The following ADSL variants were observed in gnomAD, a reference collection of about 807,000 sequenced individuals.
The protein encoded by ADSL is adenylosuccinate lyase.
Under a neutral mutation model 62.1 loss-of-function variants are expected in ADSL, and 44 were observed. The ratio of observed to expected loss-of-function variants is 0.71; its 90% confidence interval spans 0.56 to 0.91. ADSL has a LOEUF of 0.91. Among genes scored for constraint, ADSL ranks in the 40% least tolerant of loss-of-function variants. ADSL has a pLI of 0.00. For missense variants in ADSL, 531 were observed against 627.4 expected, an observed-to-expected ratio of 0.85 and a Z score of 1.64; for synonymous variants, 198 against 220.5, an observed-to-expected ratio of 0.90 and a Z score of 0.90.
At chr22:40,359,062 C>A (rs773973357) in intron 5 of ADSL, 27 bp downstream of exon 5, 116 of 1,613,254 alleles carry the variant, frequency 7.2e-5, no homozygotes, top group Non-Finnish European at 9.2e-5. Flanking sequence ...CTGCAGGACA[C>A]AGAAACTCAA....
chr22:40,375,280 T>A (rs9623170), intron 2 of ADSL, among the ~76,000 whole-genome samples: 3 of 152,158 alleles, frequency 2.0e-5, no homozygotes, highest in Non-Finnish European at 4.4e-5. Flanking sequence ...GTAACTGATA[T>A]CAGAAATTAG....
rs192899834 is a variant in ADSL, at chr22:40,357,330, C to T, written c.483-1534C>T. ...GTGCAGTGGCACAATCTTGGCTCAC[C>T]GCAGCCTCCGCCTCCTGGGTTCAAG... On this transcript the variant is annotated intron_variant, in intron 4 of 12. Coordinates refer to ENST00000623063, the MANE Select transcript of ADSL (RefSeq NM_000026.4). Among the ~76,000 whole-genome samples the T allele has an allele frequency of 1.3e-3, 190 of 150,182 alleles. 1 individual carries two copies. The highest frequency in any genetic ancestry group is 4.3e-3 in the African/African-American group (175 of 40,716).
intron 2 of ADSL, among the ~76,000 whole-genome samples, chr22:40,351,549 C>G (rs2044348755): frequency 6.6e-6 from 1 of 152,042 alleles, no homozygotes; most frequent in Non-Finnish European, 1.5e-5. Context: ...TCAAACAGTC[C>G]TCCTGCCTTA....
At position 40,361,298 on chromosome 22, in the gene ADSL, C is replaced by T. The variant is rs962521087; in HGVS notation, c.818C>T (p.Ala273Val). The T allele has an allele frequency of 6.2e-7, 1 of 1,614,162 alleles. No individual in the cohort carries two copies. Among genetic ancestry groups the T allele is most frequent in the Non-Finnish European group, 8.5e-7 (1 of 1,180,024 alleles). ...HKICTDIRLL[A>V]NLKEMEEPFE... is the part of the protein sequence containing the mutation. Reference sequence around the variant, plus strand: ...ATTTGCACCGACATACGCCTCCTGGCAAACCTCAAGGAGATGGAGGAACCC... The same window carrying T: ...ATTTGCACCGACATACGCCTCCTGGTAAACCTCAAGGAGATGGAGGAACCC... The change falls in exon 8 of 13, where the codon GCA (alanine) becomes GTA (valine). Residue 273 changes from alanine to valine, a missense_variant. Ala to Val is a moderately conservative substitution (Grantham distance 64). This residue lies in a region of ADSL where 471 missense variants were observed against 592.9 expected (regional missense o/e 0.79). Transcript: ENST00000623063.
At chr22:40,356,344 G>C (rs1435102270) in intron 4 of ADSL, among the ~76,000 whole-genome samples, 2 of 151,956 alleles carry the variant, frequency 1.3e-5, no homozygotes, top group African/African-American at 4.8e-5. Flanking sequence ...AGACCAGCTT[G>C]GCCAACATGG....
At chr22:40,350,361 C>T (rs937901956) in intron 2 of ADSL, 5 of 276,806 alleles carry the variant, frequency 1.8e-5, no homozygotes, top group Admixed American at 5.1e-5. Context: ...CTCCTGACCT[C>T]GTGATCCACC....
At position 40,361,511 on chromosome 22, in the gene ADSL, C is replaced by T. The variant is rs536254357; in HGVS notation, c.886C>T (p.Arg296Trp). Residue 296 changes from arginine to tryptophan, a missense_variant, in exon 9 of 13, where the codon CGG becomes TGG. Physicochemically the swap from Arg to Trp is moderately radical, Grantham distance 101. Coordinates refer to ENST00000623063, the MANE Select transcript of ADSL (RefSeq NM_000026.4). The part of the protein sequence containing the change: ...QIGSSAMPYK[R>W]NPMRSERCCS... ...AGGCTCAAGTGCGATGCCATATAAG[C>T]GGAATCCCATGCGTTCAGAACGTTG... 1.1e-4 allele frequency: 176 copies of T among 1,614,198 alleles called. No homozygotes were observed. Among genetic ancestry groups the T allele is most frequent in the South Asian group, 5.7e-4 (52 of 91,080 alleles).
chr22:40,359,476 CTTTTTTTTT>C (rs56719087), intron 6 of ADSL, among the ~76,000 whole-genome samples, 170 bp downstream of exon 6: 1 of 43,870 alleles, frequency 2.3e-5, no homozygotes, highest in Non-Finnish European at 3.9e-5. Context: ...TATCTGGATT[CTTTTTTTTT>C]TTTTTTTTTT....
chr22:40,386,602 A>G (rs1400305324), intron 2 of ADSL, among the ~76,000 whole-genome samples: 1 of 142,682 alleles, frequency 7.0e-6, no homozygotes, highest in African/African-American at 2.6e-5. Context: ...TAAAAAGACA[A>G]CTAGAGATCA....
chr22:40,349,586 GGCTGGTC>G (rs777965095), intron 1 of ADSL, among the ~76,000 whole-genome samples: 2 of 152,004 alleles, frequency 1.3e-5, no homozygotes, highest in Non-Finnish European at 2.9e-5. Flanking sequence ...TTGTTGCCCA[GGCTGGTC>G]TGTTGGAGCT....
In ADSL at chr22:40,361,915, T is replaced by G. The variant is rs565113676; in HGVS notation, c.1010+280T>G. 2.1e-4 allele frequency among the ~76,000 whole-genome samples: 32 copies of G among 152,310 alleles called. No homozygotes were observed. The South Asian group carries it at 6.6e-3, about 32-fold the overall frequency. ...TAAGACTTAAGAAATACATGCATCTTTTAAAGACAAGATCGGGAGCATTAT... is the reference window on the plus strand; with the variant it reads ...TAAGACTTAAGAAATACATGCATCTGTTAAAGACAAGATCGGGAGCATTAT... On this transcript the variant is annotated intron_variant, in intron 9 of 12. Coordinates refer to ENST00000623063, the MANE Select transcript of ADSL (RefSeq NM_000026.4).
rs2044914145 is a variant in ADSL at position 40,364,320 on chromosome 22, A to C, written c.1146A>C (p.Thr382=). Residue 382 remains threonine, a synonymous_variant, in exon 11 of 13, where the codon ACA becomes ACC. Coordinates refer to ENST00000623063, the MANE Select transcript of ADSL (RefSeq NM_000026.4). ...GGCAAGAGCTGCCTTTCATGGCCAC[A>C]GAGAACATCATCATGGCCATGGTCA... is the stretch of plus-strand genomic sequence containing the variant. The part of the protein sequence containing the change: ...RIRQELPFMA[T]ENIIMAMVKA... The C allele has an allele frequency of 6.2e-7, 1 of 1,614,020 alleles. No individual in the cohort carries two copies. Among genetic ancestry groups the C allele is most frequent in the Admixed American group, 1.7e-5 (1 of 60,004 alleles).
chr22:40,372,020 A>G (rs1455178636), downstream of ADSL, among the ~76,000 whole-genome samples: 1 of 149,782 alleles, frequency 6.7e-6, no homozygotes, highest in Non-Finnish European at 1.5e-5. Flanking sequence ...GTAATTCTAT[A>G]GATATCTTTC....
Position 40,379,323 on chromosome 22 carries a change from ATATC to A in ADSL, c.90-10904_90-10901del, listed in dbSNP as rs547655067. ...TGGGTCTGCTTTGTGTTCTAGGAGA[ATATC>A]TAGCTCATGCTGTCCACTTCGTACC... On this transcript the variant is annotated intron_variant, in intron 2 of 2. Transcript: ENST00000498234. The A allele has an allele frequency of 2.8e-4, 42 of 152,440 alleles. No individual in the cohort carries two copies. In the East Asian group the frequency reaches 7.9e-3, roughly 29 times the overall value. The allele number at this position is 152,440 out of a possible 1,614,324, so 9.4% of individuals were successfully genotyped here.
downstream of ADSL, among the ~76,000 whole-genome samples, chr22:40,374,203 C>T (rs1366244260): frequency 6.6e-6 from 1 of 151,610 alleles, no homozygotes; most frequent in East Asian, 1.9e-4. Flanking sequence ...CCGCCTGCCT[C>T]GGCCTCCCAA....
chr22:40,374,548 C>T (rs567280369), intron 2 of ADSL, among the ~76,000 whole-genome samples: 87 of 152,344 alleles, frequency 5.7e-4, no homozygotes, highest in Non-Finnish European at 8.5e-4. Flanking sequence ...TTCACCACCT[C>T]ACCCCCATCT....
intron 12 of ADSL, 110 bp from the exon 13 acceptor site, chr22:40,366,326 T>A: frequency 1.3e-6 from 1 of 795,774 alleles, no homozygotes; most frequent in Non-Finnish European, 2.1e-6. Context: ...AGTGTTGGAG[T>A]AAAAGCTTCA....
rs147186747 is a variant in ADSL, at chr22:40,387,397, A to G, written c.90-2833A>G. The G allele has an allele frequency of 4.4e-3, 1,695 of 388,266 alleles. 6 individuals carry two copies. Among genetic ancestry groups the G allele is most frequent in the Non-Finnish European group, 6.5e-3 (1,441 of 220,224 alleles). The allele number at this position is 388,266 out of a possible 1,614,324, so 24.1% of individuals were successfully genotyped here. ...TATAGATGGTAATGGCAAATAAATGATGTAAAGATGAGATAGTTTGTTGAC... is the reference window on the plus strand; with the variant it reads ...TATAGATGGTAATGGCAAATAAATGGTGTAAAGATGAGATAGTTTGTTGAC... On this transcript the variant is annotated intron_variant, in intron 2 of 2. Coordinates refer to the ADSL transcript ENST00000498234.
chr22:40,362,213 A>G (rs1177849649), intron 9 of ADSL, among the ~76,000 whole-genome samples: 1 of 152,208 alleles, frequency 6.6e-6, no homozygotes, highest in African/African-American at 2.4e-5. Flanking sequence ...TTTTATGTAT[A>G]TACTCACTTA....
Sources: allele counts gnomAD v4.1 joint callset (sites outside exome capture counted in the v4.1 genomes callset), GRCh38; gene constraint gnomAD v4.1.1; regional missense constraint gnomAD v4.1.1; transcripts MANE v1.5; gene names NCBI Gene and HGNC (gene_info 2026-07-23, HGNC 2026-07-21).